The following EXOC6B variants were observed in gnomAD, a reference collection of about 807,000 sequenced individuals.
The protein encoded by EXOC6B is SEC15 homolog B.
Under a neutral mutation model 113.5 loss-of-function variants are expected in EXOC6B, and 54 were observed. That is an observed-to-expected ratio of 0.48 (90% CI 0.38 to 0.60). EXOC6B has a LOEUF of 0.60. Ranked by LOEUF, EXOC6B falls within the 20% of genes least tolerant of loss-of-function variation. The probability of loss-of-function intolerance (pLI) is 0.00; values close to 1 mark genes in which losing one functional copy is unlikely to be tolerated. For synonymous variants in EXOC6B, 357 were observed against 339.0 expected, an observed-to-expected ratio of 1.05 and a Z score of -0.58; for missense variants, 797 against 977.5, an observed-to-expected ratio of 0.82 and a Z score of 2.46.
intron 7 of EXOC6B, among the ~76,000 whole-genome samples, chr2:72,562,737 T>C (rs1703956920): frequency 6.6e-6 from 1 of 152,186 alleles, no homozygotes; most frequent in African/African-American, 2.4e-5. Flanking sequence ...CATAAGGGCT[T>C]TCTTTCTGAG....
chr2:72,716,576 A>G (rs979296671), intron 6 of EXOC6B, among the ~76,000 whole-genome samples: 3 of 152,310 alleles, frequency 2.0e-5, no homozygotes, highest in Non-Finnish European at 4.4e-5. Flanking sequence ...TCATTTCTTT[A>G]TATGACAAAA....
At chr2:72,531,238 A>G (rs1185414053) in intron 8 of EXOC6B, among the ~76,000 whole-genome samples, 5 of 152,128 alleles carry the variant, frequency 3.3e-5, no homozygotes, top group African/African-American at 1.2e-4. Flanking sequence ...ATCTATTTAT[A>G]CATTTGTTTG....
At chr2:72,273,933 T>C (rs1405424375) in intron 20 of EXOC6B, among the ~76,000 whole-genome samples, 1 of 152,170 alleles carries the variant, frequency 6.6e-6, no homozygotes, top group Non-Finnish European at 1.5e-5. Flanking sequence ...AAGTTTATGA[T>C]ACATGCTGAT....
At chr2:72,587,026 C>A (rs1705633417) in intron 6 of EXOC6B, among the ~76,000 whole-genome samples, 1 of 152,150 alleles carries the variant, frequency 6.6e-6, no homozygotes, top group African/African-American at 2.4e-5. Context: ...TAACTTAAAA[C>A]AGAACTACCA....
rs757745144 is a variant in EXOC6B, at chr2:72,733,055, G to A, written c.327+16C>T. On this transcript the variant is annotated intron_variant, in intron 3 of 21. Coordinates refer to ENST00000272427, the MANE Select transcript of EXOC6B (RefSeq NM_015189.3). ...TGAAACAGAAAAGATTTCTTCAAAA[G>A]GTAAACTGGTCTTACTTCCTTTCCC... 1 of 1,562,342 alleles carries A rather than the reference G, an allele frequency of 6.4e-7. No homozygotes were observed. The highest frequency in any genetic ancestry group is 8.7e-7 in the Non-Finnish European group (1 of 1,143,512).
At chr2:72,236,296 A>G (rs913045851) in intron 20 of EXOC6B, among the ~76,000 whole-genome samples, 1 of 152,194 alleles carries the variant, frequency 6.6e-6, no homozygotes, top group Admixed American at 6.5e-5. Context: ...CCACTAATAC[A>G]CAAGACGAGA....
chr2:72,478,708 G>A (rs936255627), intron 17 of EXOC6B, among the ~76,000 whole-genome samples: 1 of 152,190 alleles, frequency 6.6e-6, no homozygotes, highest in African/African-American at 2.4e-5. Context: ...CATCCTTTGA[G>A]AGAATTTCTG....
chr2:72,224,994 G>GTGTGTATATATATA (rs908047817), intron 20 of EXOC6B, among the ~76,000 whole-genome samples: 2 of 137,256 alleles, frequency 1.5e-5, no homozygotes, highest in Non-Finnish European at 3.2e-5. Context: ...GTGTGTGTGT[G>GTGTGTATATATATA]TATATATATA....
intron 8 of EXOC6B, among the ~76,000 whole-genome samples, chr2:72,519,822 A>G (rs543860387): frequency 6.6e-6 from 1 of 152,314 alleles, no homozygotes; most frequent in South Asian, 2.1e-4. Flanking sequence ...ATAGCTTAAG[A>G]GAATCATAAT....
chr2:72,617,182 TC>T (rs1158998953), intron 6 of EXOC6B, among the ~76,000 whole-genome samples: 1 of 152,218 alleles, frequency 6.6e-6, no homozygotes, highest in Non-Finnish European at 1.5e-5. Context: ...CAGCTCCACC[TC>T]TGTGGCTTTG....
intron 6 of EXOC6B, among the ~76,000 whole-genome samples, chr2:72,664,637 T>G (rs1016268742): frequency 6.6e-6 from 1 of 152,214 alleles, no homozygotes; most frequent in African/African-American, 2.4e-5. Context: ...CATCTTCTTG[T>G]GAGTAGCTCT....
At chr2:72,527,988 T>A (rs1701818903) in intron 8 of EXOC6B, among the ~76,000 whole-genome samples, 1 of 151,996 alleles carries the variant, frequency 6.6e-6, no homozygotes, top group African/African-American at 2.4e-5. Context: ...TTTCTCCCAC[T>A]CCACTGTATC....
chr2:72,284,248 C>A (rs527950007), intron 20 of EXOC6B, among the ~76,000 whole-genome samples: 1 of 152,140 alleles, frequency 6.6e-6, no homozygotes, highest in South Asian at 2.1e-4. Context: ...CAAATCAAAT[C>A]CAACAATGTA....
intron 20 of EXOC6B, among the ~76,000 whole-genome samples, chr2:72,191,143 G>A (rs1423676438): frequency 1.3e-5 from 2 of 152,178 alleles, no homozygotes; most frequent in Non-Finnish European, 2.9e-5. Context: ...AAAAATGTGT[G>A]TAAGTGGAAA....
At chr2:72,721,363 G>GT (rs1243784313) in intron 5 of EXOC6B, among the ~76,000 whole-genome samples, 21 of 47,556 alleles carry the variant, frequency 4.4e-4, no homozygotes, top group African/African-American at 2.5e-3. Context: ...AGTTGTTTTT[G>GT]TAAAAAAAAA....
chr2:72,211,663 G>C (rs1680197992), intron 20 of EXOC6B, among the ~76,000 whole-genome samples: 1 of 152,186 alleles, frequency 6.6e-6, no homozygotes, highest in Non-Finnish European at 1.5e-5. Flanking sequence ...GTAGAGTTCT[G>C]AATGATTTTT....
At chr2:72,653,609 AAAAGAAAG>A (rs937344944) in intron 6 of EXOC6B, among the ~76,000 whole-genome samples, 1 of 138,226 alleles carries the variant, frequency 7.2e-6, no homozygotes, top group Admixed American at 7.0e-5. Context: ...CCCCCCCCCA[AAAAGAAAG>A]AAAGAAAGAA....
intron 8 of EXOC6B, among the ~76,000 whole-genome samples, chr2:72,556,841 CAT>C (rs2103668366): frequency 6.6e-6 from 1 of 151,592 alleles, no homozygotes; most frequent in South Asian, 2.1e-4. Context: ...TTGAACATAA[CAT>C]AGACATAGTT....
chr2:72,492,253 A>T, intron 16 of EXOC6B, 65 bp downstream of exon 16: 1 of 825,094 alleles, frequency 1.2e-6, no homozygotes, highest in East Asian at 2.7e-5. Flanking sequence ...TTCAGACATA[A>T]GGCCCAGAGC....
Sources: allele counts gnomAD v4.1 joint callset (sites outside exome capture counted in the v4.1 genomes callset), GRCh38; gene constraint gnomAD v4.1.1; transcripts MANE v1.5; gene names NCBI Gene and HGNC (gene_info 2026-07-23, HGNC 2026-07-21).